TENM1: variants seen among roughly 807,000 people sequenced by gnomAD.
TENM1 encodes the protein teneurin transmembrane protein 1.
A neutral mutation model predicts 174.8 loss-of-function variants in TENM1; 35 were observed. That is an observed-to-expected ratio of 0.20 (90% CI 0.15 to 0.27). The LOEUF (loss-of-function observed/expected upper bound fraction) is 0.27, where lower values mean the gene tolerates loss of function less well. Ranked by LOEUF, TENM1 falls within the 10% of genes least tolerant of loss-of-function variation. The probability of loss-of-function intolerance (pLI) is 1.00; values close to 1 mark genes in which losing one functional copy is unlikely to be tolerated. For synonymous variants in TENM1, 781 were observed against 798.7 expected (o/e 0.98, Z 0.37); for missense variants, 1,633 against 2,130.1 (o/e 0.77, Z 4.59).
chrX:124,461,822 A>C (rs2061177604), intron 22 of TENM1, among the ~76,000 whole-genome samples: 2 of 111,659 alleles, frequency 1.8e-5, no homozygotes, highest in Non-Finnish European at 3.8e-5. Context: ...AGAGTGATGT[A>C]GGTTACAATA....
intron 3 of TENM1, among the ~76,000 whole-genome samples, chrX:124,839,284 G>T (rs1332492195): frequency 1.8e-5 from 2 of 111,695 alleles, no homozygotes; most frequent in African/African-American, 3.3e-5. Flanking sequence ...TACTATACAT[G>T]CAAGGAATGA....
the TENM1 span, among the ~76,000 whole-genome samples, chrX:125,064,801 G>T: frequency 9.0e-6 from 1 of 110,689 alleles, no homozygotes; most frequent in Non-Finnish European, 1.9e-5. Context: ...TAAAGACAGG[G>T]TTTCACCATG....
At chrX:124,973,084 G>A in the TENM1 span, among the ~76,000 whole-genome samples, 1 of 112,037 alleles carries the variant, frequency 8.9e-6, no homozygotes, top group Non-Finnish European at 1.9e-5. Context: ...TTTTGTATAA[G>A]GTGTAAGGAA....
intron 19 of TENM1, 46 bp from the exon 23 acceptor site, chrX:124,497,311 C>A: frequency 1.7e-6 from 2 of 1,144,643 alleles, no homozygotes; most frequent in Non-Finnish European, 2.4e-6. Context: ...AAGCAATTAC[C>A]ACAAAATAAT....
chrX:124,967,474 C>T (rs184923166), upstream of TENM1, among the ~76,000 whole-genome samples: 46 of 111,306 alleles, frequency 4.1e-4, no homozygotes, highest in Admixed American at 1.9e-3. Context: ...CATGGAACGC[C>T]GATGATTCAT....
chrX:124,776,874 AAAG>A (rs1380889275), intron 3 of TENM1, among the ~76,000 whole-genome samples: 1 of 111,413 alleles, frequency 9.0e-6, no homozygotes, highest in Non-Finnish European at 1.9e-5. Context: ...AGACAGACAT[AAAG>A]AAGAGAGGGA....
At chrX:125,089,813 G>A in the TENM1 span, among the ~76,000 whole-genome samples, 1 of 111,481 alleles carries the variant, frequency 9.0e-6, no homozygotes, top group Non-Finnish European at 1.9e-5. Context: ...GGTGAACATG[G>A]CCCTTTGGGA....
chrX:124,608,586 C>T (rs1053044713), intron 11 of TENM1, among the ~76,000 whole-genome samples: 15 of 111,344 alleles, frequency 1.3e-4, no homozygotes, highest in African/African-American at 4.9e-4. Flanking sequence ...TGTGCTGCTT[C>T]CCAAGAGCTG....
intron 23 of TENM1, among the ~76,000 whole-genome samples, chrX:124,441,496 G>A (rs186961339): frequency 5.4e-4 from 61 of 112,177 alleles, no homozygotes; most frequent in Non-Finnish European, 3.4e-4. Flanking sequence ...GATGTAGATT[G>A]AGCTCCCTCT....
At position 124,381,101 on chromosome X, in the gene TENM1, T is replaced by A. The variant is rs1295657021; in HGVS notation, c.7634A>T (p.Asp2545Val). The change falls in exon 32 of 32, where the codon GAT becomes GTT. Residue 2545 changes from aspartate (D) to valine (V), a missense_variant. Coordinates refer to ENST00000422452, the Ensembl canonical transcript of TENM1. ...ATCTTCATTGGCTACTCCTATAATA[T>A]CAGCTGTTACTATGCCATCCTTGAT... is the stretch of plus-strand genomic sequence containing the variant. 8 of 1,211,347 alleles carry A rather than the reference T, an allele frequency of 6.6e-6. No individual in the cohort carries two copies. The South Asian group carries it at 1.4e-4, about 21-fold the overall frequency.
intron 23 of TENM1, among the ~76,000 whole-genome samples, chrX:124,450,317 G>A (rs946697998): frequency 7.8e-5 from 8 of 102,300 alleles, no homozygotes; most frequent in South Asian, 9.4e-4. Flanking sequence ...CCGAGATTGC[G>A]CCACTGCACT....
At chrX:124,572,620 T>C (rs749147687) in intron 11 of TENM1, among the ~76,000 whole-genome samples, 17 of 111,468 alleles carry the variant, frequency 1.5e-4, no homozygotes, top group Non-Finnish European at 2.6e-4. Context: ...AAAATTGGAA[T>C]GCCTGAAAAG....
chrX:125,074,561 T>C, the TENM1 span, among the ~76,000 whole-genome samples: 1 of 111,269 alleles, frequency 9.0e-6, no homozygotes, highest in Admixed American at 9.6e-5. Flanking sequence ...ATATCTTAAC[T>C]ATCTCTATCA....
At chrX:124,887,268 G>A (rs1489029121) in intron 3 of TENM1, among the ~76,000 whole-genome samples, 4 of 110,871 alleles carry the variant, frequency 3.6e-5, no homozygotes, top group Non-Finnish European at 7.6e-5. Flanking sequence ...ATCCTATGCA[G>A]TCATTAAAAA....
rs531109379 is a variant in TENM1 at position 124,549,418 on chromosome X, C to G, written c.2435-2328G>C. 5.7e-4 allele frequency among the ~76,000 whole-genome samples: 64 copies of G among 111,984 alleles called. 1 individual carries two copies. The South Asian group carries it at 0.024, about 41-fold the overall frequency. On this transcript the variant is annotated intron_variant, in intron 14 of 31. Transcript: ENST00000422452. ...TGCCTGGCAAATATTAACAAATACA[C>G]TAGTAATAATCACATTGGGCAGTCA...
chrX:124,551,870 A>T (rs1202387919), intron 14 of TENM1, among the ~76,000 whole-genome samples: 2 of 112,035 alleles, frequency 1.8e-5, no homozygotes, highest in Non-Finnish European at 3.8e-5. Context: ...GTAGATGTCA[A>T]TGGTTTGCAA....
the TENM1 span, among the ~76,000 whole-genome samples, chrX:124,986,599 T>A: frequency 8.9e-6 from 1 of 112,083 alleles, no homozygotes; most frequent in Non-Finnish European, 1.9e-5. Context: ...TTCCCGTGGA[T>A]GTGTCTCAGA....
intron 27 of TENM1, among the ~76,000 whole-genome samples, chrX:124,400,194 A>G (rs2060384099): frequency 8.9e-6 from 1 of 112,052 alleles, no homozygotes; most frequent in African/African-American, 3.2e-5. Context: ...AAATTTTCAC[A>G]AAATAAATGC....
At chrX:124,941,366 G>A (rs1380297603) in intron 1 of TENM1, among the ~76,000 whole-genome samples, 1 of 111,513 alleles carries the variant, frequency 9.0e-6, no homozygotes, top group Non-Finnish European at 1.9e-5. Context: ...AATACCACTT[G>A]TCTTGAATTT....
Sources: allele counts gnomAD v4.1 joint callset (sites outside exome capture counted in the v4.1 genomes callset), GRCh38; gene constraint gnomAD v4.1.1; transcripts MANE v1.5; gene names NCBI Gene and HGNC (gene_info 2026-07-23, HGNC 2026-07-21).